KALRN: variants seen among roughly 807,000 people sequenced by gnomAD.
The protein encoded by KALRN is kalirin.
In KALRN, 70 loss-of-function variants were observed where a neutral mutation model predicts 353.7. The observed-to-expected ratio is 0.20, with a 90% CI of 0.16 to 0.24. KALRN has a LOEUF of 0.24. Among genes scored for constraint, KALRN ranks in the 10% least tolerant of loss-of-function variants. The pLI, the probability that KALRN is intolerant of heterozygous loss-of-function variation, is 1.00. For synonymous variants in KALRN, 1,391 were observed against 1,434.8 expected (o/e 0.97, Z 0.69); for missense variants, 2,791 against 3,756.7 (o/e 0.74, Z 6.72).
intron 33 of KALRN, among the ~76,000 whole-genome samples, chr3:124,499,492 G>A (rs1437693597): frequency 6.6e-6 from 1 of 152,194 alleles, no homozygotes; most frequent in East Asian, 1.9e-4. Flanking sequence ...CTATGAATAA[G>A]ACTGCACAAT....
At chr3:124,279,994 A>G (rs1201976506) in intron 5 of KALRN, among the ~76,000 whole-genome samples, 1 of 152,154 alleles carries the variant, frequency 6.6e-6, no homozygotes, top group Non-Finnish European at 1.5e-5. Context: ...CTCTACAGAG[A>G]GGAGTGCAGG....
intron 9 of KALRN, among the ~76,000 whole-genome samples, chr3:124,344,257 GA>G (rs755388106): frequency 3.0e-4 from 45 of 152,144 alleles, no homozygotes; most frequent in Non-Finnish European, 6.0e-4. Flanking sequence ...CATCTTAATG[GA>G]ATGCACTAGA....
Position 124,141,214 on chromosome 3 carries a change from G to A in KALRN, c.74-86776G>A, listed in dbSNP as rs55849967. On this transcript the variant is annotated intron_variant, in intron 1 of 59. Coordinates refer to ENST00000682506, the MANE Select transcript of KALRN (RefSeq NM_001388419.1). Reference sequence around the variant, plus strand: ...CTCCTTCCCTGGCTTTCTGAACCCTGCAGGTTTCTTTTACTTCAACTCCTC... The same window carrying A: ...CTCCTTCCCTGGCTTTCTGAACCCTACAGGTTTCTTTTACTTCAACTCCTC... Among the ~76,000 whole-genome samples the A allele has an allele frequency of 6.3e-3, 953 of 152,200 alleles. 6 individuals are homozygous for A. The highest frequency in any genetic ancestry group is 0.02 in the African/African-American group (839 of 41,498).
intron 50 of KALRN, 73 bp downstream of exon 50, chr3:124,678,386 T>C: frequency 6.5e-7 from 1 of 1,535,598 alleles, no homozygotes; most frequent in Non-Finnish European, 8.8e-7. Flanking sequence ...CACAAGCCAA[T>C]TTGGGTGGAT....
At chr3:124,175,970 T>A (rs2072677191) in intron 1 of KALRN, among the ~76,000 whole-genome samples, 1 of 152,186 alleles carries the variant, frequency 6.6e-6, no homozygotes, top group African/African-American at 2.4e-5. Context: ...TTTTGAGTTT[T>A]TTCATGATTT....
At chr3:124,548,553 T>C (rs1161567174) in intron 33 of KALRN, among the ~76,000 whole-genome samples, 1 of 152,206 alleles carries the variant, frequency 6.6e-6, no homozygotes, top group African/African-American at 2.4e-5. Context: ...GGACAGAAGG[T>C]CTAGAAGGGA....
rs117129970 is a variant in KALRN, at chr3:124,445,980, G to A, written c.3314-181G>A. Among the ~76,000 whole-genome samples, 234 of 152,268 alleles carry A rather than the reference G, an allele frequency of 1.5e-3. 1 individual carries two copies. In the South Asian group the frequency reaches 0.039, roughly 25 times the overall value. On this transcript the variant is annotated intron_variant, in intron 19 of 59. Coordinates refer to ENST00000682506, the MANE Select transcript of KALRN (RefSeq NM_001388419.1). ...CCCCCTAGACTCCTCGACCTTGCTC[G>A]TTTCTAGGAAATCCTTTCTGTATCC...
At chr3:124,511,991 A>T (rs2065959542) in intron 33 of KALRN, among the ~76,000 whole-genome samples, 1 of 152,206 alleles carries the variant, frequency 6.6e-6, no homozygotes, top group African/African-American at 2.4e-5. Context: ...TATGATTGCT[A>T]CTGTGTGTTA....
intron 25 of KALRN, among the ~76,000 whole-genome samples, chr3:124,463,586 AG>A (rs2060051346): frequency 6.6e-6 from 1 of 152,226 alleles, no homozygotes; most frequent in South Asian, 2.1e-4. Context: ...AGTGCTACTG[AG>A]GAACTGAATT....
intron 34 of KALRN, among the ~76,000 whole-genome samples, chr3:124,628,790 A>G (rs1321133709): frequency 3.2e-5 from 4 of 125,808 alleles, no homozygotes; most frequent in African/African-American, 1.0e-4. Context: ...GAGTCTTGCC[A>G]TGATGGCCAG....
intron 6 of KALRN, among the ~76,000 whole-genome samples, chr3:124,323,902 A>G (rs751219519): frequency 2.6e-5 from 4 of 152,184 alleles, no homozygotes; most frequent in African/African-American, 4.8e-5. Flanking sequence ...GGTGATTCTC[A>G]TGCAGACTGA....
chr3:124,135,652 G>A (rs115863828), intron 1 of KALRN, among the ~76,000 whole-genome samples: 23 of 152,118 alleles, frequency 1.5e-4, no homozygotes, highest in African/African-American at 2.4e-5. Flanking sequence ...TTTAAGGACA[G>A]CGAATCAAGA....
At chr3:124,511,274 C>T (rs1266988222) in intron 33 of KALRN, among the ~76,000 whole-genome samples, 1 of 152,174 alleles carries the variant, frequency 6.6e-6, no homozygotes, top group Non-Finnish European at 1.5e-5. Flanking sequence ...GCCTTTCACC[C>T]TGGGATCCAG....
intron 1 of KALRN, among the ~76,000 whole-genome samples, chr3:124,080,372 A>G (rs1176774795): frequency 1.3e-5 from 2 of 152,170 alleles, no homozygotes; most frequent in Admixed American, 1.3e-4. Flanking sequence ...GCCTTTTTGA[A>G]CTCCATACCA....
intron 1 of KALRN, among the ~76,000 whole-genome samples, chr3:124,212,901 C>T (rs1579458796): frequency 6.6e-6 from 1 of 151,984 alleles, no homozygotes; most frequent in East Asian, 1.9e-4. Flanking sequence ...TATCCATTTT[C>T]CCTCCTTTTT....
intron 33 of KALRN, among the ~76,000 whole-genome samples, chr3:124,530,333 A>T (rs554072338): frequency 6.6e-6 from 1 of 152,300 alleles, no homozygotes; most frequent in East Asian, 1.9e-4. Context: ...AAAAGTTAGA[A>T]TGATCTCGCC....
At chr3:124,433,916 A>G (rs1181243873) in intron 16 of KALRN, among the ~76,000 whole-genome samples, 1 of 152,238 alleles carries the variant, frequency 6.6e-6, no homozygotes, top group Non-Finnish European at 1.5e-5. Context: ...ATGGGACTGC[A>G]GTAGTAACCT....
chr3:124,309,859 T>C (rs2078077953), intron 6 of KALRN, among the ~76,000 whole-genome samples: 1 of 152,176 alleles, frequency 6.6e-6, no homozygotes, highest in Admixed American at 6.5e-5. Flanking sequence ...ACTTCCCCGC[T>C]TAAGATCAAG....
chr3:124,429,894 T>C (rs907157983), intron 15 of KALRN, among the ~76,000 whole-genome samples: 1 of 152,230 alleles, frequency 6.6e-6, no homozygotes, highest in Non-Finnish European at 1.5e-5. Flanking sequence ...TTCTCCTTTT[T>C]TGGGGTTGTT....
Sources: gnomAD v4.1 joint callset for allele counts (sites outside exome capture counted in the v4.1 genomes callset) on GRCh38, gnomAD v4.1.1 for gene constraint, MANE v1.5 for transcripts, NCBI Gene and HGNC (gene_info 2026-07-23, HGNC 2026-07-21) for gene names.